Variants in NRXN3 observed in about 807,000 individuals in gnomAD.
NRXN3 encodes the protein neurexin 3.
Under a neutral mutation model 137.6 loss-of-function variants are expected in NRXN3, and 32 were observed. The observed-to-expected ratio is 0.23, with a 90% CI of 0.18 to 0.31. NRXN3 has a LOEUF of 0.31. Ranked by LOEUF, NRXN3 falls within the 10% of genes least tolerant of loss-of-function variation. NRXN3 has a pLI of 1.00. For synonymous variants in NRXN3, 798 were observed against 784.5 expected (o/e 1.02, Z -0.29); for missense variants, 1,574 against 2,062.5 (o/e 0.76, Z 4.59).
At chr14:79,182,359 T>G (rs537613130) in intron 15 of NRXN3, among the ~76,000 whole-genome samples, 1 of 151,902 alleles carries the variant, frequency 6.6e-6, no homozygotes, top group African/African-American at 2.4e-5. Flanking sequence ...ACCATAATGT[T>G]GAATGAGTCG....
intron 4 of NRXN3, among the ~76,000 whole-genome samples, chr14:78,352,001 T>G (rs2083580640): frequency 6.6e-6 from 1 of 151,436 alleles, no homozygotes; most frequent in Non-Finnish European, 1.5e-5. Context: ...GCAGGATAAT[T>G]GGTTGAATCC....
chr14:78,530,085 A>G (rs1379786969), intron 4 of NRXN3, among the ~76,000 whole-genome samples: 2 of 152,242 alleles, frequency 1.3e-5, no homozygotes, highest in African/African-American at 2.4e-5. Flanking sequence ...CCCACATTTC[A>G]TAGCAAAATC....
At chr14:78,604,139 A>G (rs140472437) in intron 4 of NRXN3, among the ~76,000 whole-genome samples, 2,558 of 152,234 alleles carry the variant, frequency 0.017, 54 homozygotes, top group Non-Finnish European at 0.023. Context: ...ATCTTGTGAG[A>G]CTTATTCACT....
intron 6 of NRXN3, among the ~76,000 whole-genome samples, chr14:78,660,276 T>TA (rs1566997203): frequency 1.3e-5 from 2 of 150,322 alleles, no homozygotes. Context: ...TATATATATA[T>TA]TTGGCAACTG....
intron 4 of NRXN3, among the ~76,000 whole-genome samples, chr14:78,484,454 G>C (rs2095529612): frequency 1.3e-5 from 2 of 152,176 alleles, no homozygotes; most frequent in Non-Finnish European, 2.9e-5. Flanking sequence ...CTCCTGGGCA[G>C]TTATCAGCTG....
At chr14:79,050,569 T>C (rs984283746) in intron 15 of NRXN3, among the ~76,000 whole-genome samples, 25 of 152,242 alleles carry the variant, frequency 1.6e-4, no homozygotes. Flanking sequence ...ATGGACGATA[T>C]GTACCACGTG....
At chr14:79,186,792 A>G (rs1479197102) in intron 15 of NRXN3, among the ~76,000 whole-genome samples, 1 of 152,112 alleles carries the variant, frequency 6.6e-6, no homozygotes, top group African/African-American at 2.4e-5. Context: ...GAAATCCATG[A>G]TGTAGATTTT....
chr14:79,774,984 A>G (rs1433110650), intron 19 of NRXN3, among the ~76,000 whole-genome samples: 1 of 151,918 alleles, frequency 6.6e-6, no homozygotes, highest in Non-Finnish European at 1.5e-5. Flanking sequence ...ATAACAAGTT[A>G]GTTTCCTTTT....
At chr14:79,505,322 G>T (rs1157162334) in intron 16 of NRXN3, among the ~76,000 whole-genome samples, 1 of 152,096 alleles carries the variant, frequency 6.6e-6, no homozygotes, top group Non-Finnish European at 1.5e-5. Context: ...AGTCCAATAT[G>T]GTTCCAGTTG....
At chr14:79,276,153 G>A (rs561101552) in intron 15 of NRXN3, among the ~76,000 whole-genome samples, 14 of 152,168 alleles carry the variant, frequency 9.2e-5, no homozygotes, top group Non-Finnish European at 1.9e-4. Flanking sequence ...GCAGTATTTA[G>A]AAAGTATCAC....
intron 15 of NRXN3, among the ~76,000 whole-genome samples, chr14:79,450,801 G>T (rs1287549188): frequency 2.0e-5 from 3 of 152,032 alleles, no homozygotes; most frequent in African/African-American, 7.2e-5. Flanking sequence ...GAGAGACAGA[G>T]GTTGCAGTGG....
chr14:79,467,849 G>C (rs1394918094), intron 16 of NRXN3, among the ~76,000 whole-genome samples: 4 of 152,162 alleles, frequency 2.6e-5, no homozygotes, highest in Admixed American at 1.3e-4. Context: ...GTCTCTCTCA[G>C]AGCTACTCAG....
At chr14:79,547,748 T>A (rs1178528149) in intron 16 of NRXN3, among the ~76,000 whole-genome samples, 2 of 152,152 alleles carry the variant, frequency 1.3e-5, no homozygotes, top group African/African-American at 4.8e-5. Flanking sequence ...TTGGGAGGCT[T>A]ATAAATTTCC....
chr14:79,167,902 C>A (rs942712203), intron 15 of NRXN3, among the ~76,000 whole-genome samples: 3 of 151,254 alleles, frequency 2.0e-5, no homozygotes, highest in Admixed American at 2.0e-4. Context: ...CACCCCAAAT[C>A]TACCTGCCTT....
chr14:78,872,903 A>C (rs527881081), intron 10 of NRXN3, among the ~76,000 whole-genome samples: 10 of 152,102 alleles, frequency 6.6e-5, no homozygotes, highest in Non-Finnish European at 1.2e-4. Flanking sequence ...ATAACTTCGC[A>C]CTGCTGTCAC....
At chr14:79,435,169 A>C (rs539107123) in intron 15 of NRXN3, among the ~76,000 whole-genome samples, 1 of 152,200 alleles carries the variant, frequency 6.6e-6, no homozygotes, top group Non-Finnish European at 1.5e-5. Context: ...ATGTTAAGGA[A>C]GGAAATGATT....
At chr14:78,328,840 C>A (rs1025176590) in intron 4 of NRXN3, among the ~76,000 whole-genome samples, 2 of 152,158 alleles carry the variant, frequency 1.3e-5, no homozygotes, top group African/African-American at 2.4e-5. Context: ...AACTTAAAAT[C>A]TAGTTGAGGA....
At chr14:78,646,038 G>A (rs2097684584) in intron 5 of NRXN3, among the ~76,000 whole-genome samples, 1 of 151,966 alleles carries the variant, frequency 6.6e-6, no homozygotes, top group East Asian at 1.9e-4. Flanking sequence ...TATTGCCCCT[G>A]TCTCTCCCTC....
At chr14:78,738,630 C>T (rs2098551240) in intron 8 of NRXN3, among the ~76,000 whole-genome samples, 1 of 152,186 alleles carries the variant, frequency 6.6e-6, no homozygotes, top group African/African-American at 2.4e-5. Context: ...AAACTCTACG[C>T]ATGAAGAGGG....
Sources: allele counts gnomAD v4.1 joint callset (sites outside exome capture counted in the v4.1 genomes callset), GRCh38; gene constraint gnomAD v4.1.1; transcripts MANE v1.5; gene names NCBI Gene and HGNC (gene_info 2026-07-23, HGNC 2026-07-21).